Variants in STX7 observed in about 807,000 individuals in gnomAD.
STX7 encodes syntaxin-7.
A neutral mutation model predicts 39.6 loss-of-function variants in STX7; 34 were observed. The observed-to-expected ratio is 0.86, with a 90% CI of 0.65 to 1.14. The LOEUF (loss-of-function observed/expected upper bound fraction) is 1.14, where lower values mean the gene tolerates loss of function less well. Ranked by LOEUF, STX7 falls within the 50% of genes most tolerant of loss-of-function variation. The pLI is 0.00. For synonymous variants in STX7, 119 were observed against 99.1 expected, an observed-to-expected ratio of 1.20 and a Z score of -1.19; for missense variants, 284 against 310.4, an observed-to-expected ratio of 0.92 and a Z score of 0.64.
At chr6:132,489,200 TAAA>T (rs745673648) in intron 2 of STX7, among the ~76,000 whole-genome samples, 5 of 83,188 alleles carry the variant, frequency 6.0e-5, no homozygotes, top group East Asian at 6.6e-4. Flanking sequence ...GACTCTGTCT[TAAA>T]AAAAAAAAAA....
chr6:132,477,826 T>G (rs1774911616), intron 2 of STX7, among the ~76,000 whole-genome samples: 1 of 152,164 alleles, frequency 6.6e-6, no homozygotes, highest in Admixed American at 6.5e-5. Flanking sequence ...GAGGTTAAAC[T>G]ACAATGGTAA....
chr6:132,503,696 G>C, intron 1 of STX7, 108 bp from the exon 2 acceptor site: 1 of 415,054 alleles, frequency 2.4e-6, no homozygotes, highest in South Asian at 3.9e-5. Flanking sequence ...ATCTAATAGA[G>C]TTGAAATCTG....
At chr6:132,466,908 C>T (rs988671265) in intron 8 of STX7, among the ~76,000 whole-genome samples, 4 of 152,210 alleles carry the variant, frequency 2.6e-5, no homozygotes, top group African/African-American at 9.6e-5. Context: ...CTTTCTTTCA[C>T]ACTCATACCC....
rs1481728544 is a variant in STX7, at chr6:132,453,809, G to T, written c.*6949C>A. ...TGCTGAAAAGGACATGAAGCAACTA[G>T]ATCACTCATACACCACTGGTGGGTA... On this transcript the variant is annotated 3_prime_UTR_variant, in exon 10 of 10. Transcript: ENST00000367941. The T allele has an allele frequency of 6.6e-6, 1 of 151,884 alleles. No homozygotes were observed. The highest frequency in any genetic ancestry group is 1.5e-5 in the Non-Finnish European group (1 of 67,954). The allele number at this position is 151,884 out of a possible 1,614,324, so 9.4% of individuals were successfully genotyped here.
intron 1 of STX7, among the ~76,000 whole-genome samples, chr6:132,508,300 C>T (rs1366878246): frequency 1.3e-5 from 2 of 152,200 alleles, no homozygotes; most frequent in Non-Finnish European, 2.9e-5. Flanking sequence ...ACCAGTGTAG[C>T]CCAAGTCTTC....
chr6:132,464,219 T>C, intron 8 of STX7, 144 bp from the exon 9 acceptor site: 1 of 756,196 alleles, frequency 1.3e-6, no homozygotes, highest in Non-Finnish European at 2.2e-6. Flanking sequence ...TGAATTTTTT[T>C]AAGCTGGCTT....
chr6:132,481,818 G>T (rs1775022118), intron 2 of STX7, among the ~76,000 whole-genome samples: 1 of 152,168 alleles, frequency 6.6e-6, no homozygotes, highest in Non-Finnish European at 1.5e-5. Context: ...TTCAAACAAT[G>T]ACCTATAATA....
chr6:132,499,268 T>C (rs1234731724), intron 2 of STX7, among the ~76,000 whole-genome samples: 1 of 152,248 alleles, frequency 6.6e-6, no homozygotes, highest in Non-Finnish European at 1.5e-5. Context: ...GCCTACTAAA[T>C]ATTGATTCTC....
chr6:132,480,415 C>T (rs974734177), intron 2 of STX7, among the ~76,000 whole-genome samples: 9 of 152,062 alleles, frequency 5.9e-5, no homozygotes, highest in South Asian at 2.1e-4. Context: ...AGTAACAGGT[C>T]GAAGTAAAGT....
chr6:132,474,998 A>C lies in STX7; in HGVS notation c.155+595T>G, dbSNP rs529475550. ...TGACTGCGGGGATTTTTAGCTATGG[A>C]AAGTAAATCACATAAATTGAGATAC... On this transcript the variant is annotated intron_variant, in intron 3 of 9. Transcript: ENST00000367941. 3.3e-5 allele frequency among the ~76,000 whole-genome samples: 5 copies of C among 152,300 alleles called. No homozygotes were observed. In the South Asian group the frequency reaches 1.0e-3, roughly 32 times the overall value.
intron 2 of STX7, among the ~76,000 whole-genome samples, chr6:132,495,533 T>A (rs761245741): frequency 2.0e-5 from 3 of 151,950 alleles, no homozygotes; most frequent in Non-Finnish European, 4.4e-5. Context: ...ACCAACAGAT[T>A]ACCCCAGAAA....
intron 9 of STX7, 118 bp from the exon 10 acceptor site, chr6:132,460,968 T>A: frequency 1.3e-6 from 1 of 749,088 alleles, no homozygotes; most frequent in South Asian, 2.1e-5. Flanking sequence ...TAGTAGTATA[T>A]TGCCCTCAAA....
rs1361605120 is a variant in STX7 at position 132,455,410 on chromosome 6, TA to T, written c.*5347del. The T allele has an allele frequency of 6.6e-6, 1 of 152,200 alleles. No individual in the cohort carries two copies. The highest frequency in any genetic ancestry group is 1.5e-5 in the Non-Finnish European group (1 of 68,030). 9.4% of individuals were successfully genotyped at this position (152,200 alleles called of 1,614,324 possible). On this transcript the variant is annotated 3_prime_UTR_variant, in exon 10 of 10. Transcript: ENST00000367941. ...AACTACTGCCTAACGATACTTACAG[TA>T]AACACTTAAAAATTTGTACTTTGGG...
intron 8 of STX7, among the ~76,000 whole-genome samples, chr6:132,465,080 A>C (rs2114359254): frequency 6.6e-6 from 1 of 152,094 alleles, no homozygotes; most frequent in East Asian, 1.9e-4. Flanking sequence ...TCTCTCCAAC[A>C]CTTCTCTTAT....
rs1774917910 is a variant in STX7 at position 132,478,072 on chromosome 6, T to TAA, written c.86-2412_86-2411dup. ...ATAAGAAAGAGGGAGCAATAGTCAA[T>TAA]AACTATAAATAATTTAGAAAATGTC... is the stretch of plus-strand genomic sequence containing the variant. On this transcript the variant is annotated intron_variant, in intron 2 of 9. Coordinates refer to ENST00000367941, the MANE Select transcript of STX7 (RefSeq NM_003569.3). 2.6e-5 allele frequency among the ~76,000 whole-genome samples: 4 copies of TAA among 151,930 alleles called. No individual in the cohort carries two copies. The South Asian group carries it at 8.3e-4, about 32-fold the overall frequency.
intron 2 of STX7, among the ~76,000 whole-genome samples, chr6:132,478,221 G>T (rs1175623017): frequency 1.3e-5 from 2 of 151,474 alleles, no homozygotes; most frequent in Non-Finnish European, 2.9e-5. Context: ...CCAAGAATAG[G>T]AACTTTAATA....
At chr6:132,468,251 G>A in intron 8 of STX7, 152 bp downstream of exon 8, 1 of 644,600 alleles carries the variant, frequency 1.6e-6, no homozygotes, top group Non-Finnish European at 2.8e-6. Context: ...TAATGCCAAG[G>A]GTGATGCTTA....
intron 2 of STX7, among the ~76,000 whole-genome samples, chr6:132,489,519 T>C (rs1388686049): frequency 1.3e-5 from 2 of 152,232 alleles, no homozygotes; most frequent in East Asian, 1.9e-4. Flanking sequence ...CTAGCACTAG[T>C]ATATCTCATG....
rs1774183473 is a variant in STX7, at chr6:132,453,566, T to C, written c.*7192A>G. ...CACACAGAGGCACACACACACATTA[T>C]TTAAAAGCCCTCAAAACTCAACAGA... On this transcript the variant is annotated 3_prime_UTR_variant, in exon 10 of 10. Transcript: ENST00000367941. 6.6e-6 allele frequency: 1 copy of C among 151,486 alleles called. No individual in the cohort carries two copies. The highest frequency in any genetic ancestry group is 2.4e-5 in the African/African-American group (1 of 41,280). The allele number at this position is 151,486 out of a possible 1,614,324, so 9.4% of individuals were successfully genotyped here. A position where few individuals can be genotyped will look rare whatever the true frequency, so the allele number is the denominator to read the frequency against.
Sources: allele counts gnomAD v4.1 joint callset (sites outside exome capture counted in the v4.1 genomes callset), GRCh38; gene constraint gnomAD v4.1.1; transcripts MANE v1.5; gene names NCBI Gene and HGNC (gene_info 2026-07-23, HGNC 2026-07-21).